CIZ1: variants seen among roughly 807,000 people sequenced by gnomAD.
CIZ1 encodes the protein cip1-interacting zinc finger protein.
Under a neutral mutation model 118.6 loss-of-function variants are expected in CIZ1, and 58 were observed. The observed-to-expected ratio is 0.49, with a 90% CI of 0.40 to 0.61. CIZ1 has a LOEUF of 0.61. CIZ1 is among the 20% of genes least tolerant of loss of function. The pLI is 0.00. For missense variants in CIZ1, 921 were observed against 1,115.9 expected, an observed-to-expected ratio of 0.83 and a Z score of 2.49; for synonymous variants, 448 against 443.4, an observed-to-expected ratio of 1.01 and a Z score of -0.13.
At chr9:128,199,668 G>A (rs569503601) in intron 1 of CIZ1, among the ~76,000 whole-genome samples, 9 of 152,048 alleles carry the variant, frequency 5.9e-5, no homozygotes, top group African/African-American at 2.2e-4. Flanking sequence ...TTGTGCTACT[G>A]CACTCCAGTC....
upstream of CIZ1, among the ~76,000 whole-genome samples, chr9:128,195,043 A>C (rs10760547): frequency 0.52 from 78,758 of 151,794 alleles, 22,421 homozygotes; most frequent in South Asian, 0.7. Flanking sequence ...GCTGGTCTTG[A>C]ACTCATAGGT....
rs2130949019 is a variant in CIZ1, at chr9:128,177,549, A to AAAAACAG, written c.1818+16_1818+17insCTGTTTT. 7.5e-7 allele frequency: 1 copy of AAAAACAG among 1,339,374 alleles called. No homozygotes were observed. The highest frequency in any genetic ancestry group is 9.9e-7 in the Non-Finnish European group (1 of 1,009,216). 83.0% of individuals were successfully genotyped at this position (1,339,374 alleles called of 1,614,324 possible). A position where few individuals can be genotyped will look rare whatever the true frequency, so the allele number is the denominator to read the frequency against. ...GCAGGCCCCACCCCTCCCCACCCTTATCTCCTGTATCAGTACCTGCTGGCT... is the reference window on the plus strand; with the variant it reads ...GCAGGCCCCACCCCTCCCCACCCTTAAAAACAGTCTCCTGTATCAGTACCTGCTGGCT... On this transcript the variant is annotated intron_variant, in intron 10 of 16. Transcript: ENST00000372938.
intron 5 of CIZ1, among the ~76,000 whole-genome samples, chr9:128,182,152 A>C (rs1588201435): frequency 6.6e-6 from 1 of 151,668 alleles, no homozygotes; most frequent in Non-Finnish European, 1.5e-5. Context: ...CACATTCTTT[A>C]CCCTGCCCCT....
intron 5 of CIZ1, among the ~76,000 whole-genome samples, chr9:128,182,223 G>A (rs1028970908): frequency 7.2e-5 from 11 of 152,182 alleles, no homozygotes; most frequent in African/African-American, 2.2e-4. Context: ...ACCAGTCTCT[G>A]CGCATTGGTG....
chr9:128,192,453 C>T (rs1185379869), upstream of CIZ1, among the ~76,000 whole-genome samples: 2 of 152,046 alleles, frequency 1.3e-5, no homozygotes, highest in Non-Finnish European at 2.9e-5. Context: ...TGGTCCTGCC[C>T]CCAAGAACCC....
At chr9:128,182,009 A>G (rs1831715125) in intron 5 of CIZ1, among the ~76,000 whole-genome samples, 1 of 152,216 alleles carries the variant, frequency 6.6e-6, no homozygotes, top group Non-Finnish European at 1.5e-5. Context: ...AGTCCCTGAT[A>G]TGCAGAAATA....
At position 128,167,087 on chromosome 9, in the gene CIZ1, G is replaced by A. The variant is rs183958510; in HGVS notation, c.2365+8C>T. 3.8e-6 allele frequency: 6 copies of A among 1,594,468 alleles called. No individual in the cohort carries two copies. The Admixed American group carries it at 8.8e-5, about 23-fold the overall frequency. On this transcript the variant is annotated splice_region_variant and intron_variant, in intron 15 of 16. Coordinates refer to ENST00000372938, the MANE Select transcript of CIZ1 (RefSeq NM_001131016.2). Reference sequence around the variant, plus strand: ...CTCCTGCAGGTGGGCTCAGAGCTGGGGCCTTACCATATGCAGTATTGGGGC... The same window carrying A: ...CTCCTGCAGGTGGGCTCAGAGCTGGAGCCTTACCATATGCAGTATTGGGGC...
upstream of CIZ1, among the ~76,000 whole-genome samples, chr9:128,193,997 GT>G (rs1833312796): frequency 6.6e-6 from 1 of 152,212 alleles, no homozygotes; most frequent in African/African-American, 2.4e-5. Flanking sequence ...GCTTGTGCTG[GT>G]GAAGGTGGAA....
chr9:128,177,815 C>T lies in CIZ1; in HGVS notation c.1621-52G>A, dbSNP rs779031576. The T allele has an allele frequency of 1.8e-5, 23 of 1,290,010 alleles. No homozygotes were observed. In the African/African-American group the frequency reaches 3.0e-4, roughly 17 times the overall value. 79.9% of individuals were successfully genotyped at this position (1,290,010 alleles called of 1,614,324 possible). A position where few individuals can be genotyped will look rare whatever the true frequency, so the allele number is the denominator to read the frequency against. On this transcript the variant is annotated intron_variant, in intron 9 of 16. Coordinates refer to ENST00000372938, the MANE Select transcript of CIZ1 (RefSeq NM_001131016.2). ...CCATCAACTGTGTACTTATAGTGGGCCAGCCCAGCATTCAACATCTGCCAA... is the reference window on the plus strand; with the variant it reads ...CCATCAACTGTGTACTTATAGTGGGTCAGCCCAGCATTCAACATCTGCCAA...
At chr9:128,188,764 C>T (rs1289649656) in intron 3 of CIZ1, among the ~76,000 whole-genome samples, 2 of 152,130 alleles carry the variant, frequency 1.3e-5, no homozygotes, top group Non-Finnish European at 2.9e-5. Context: ...TCCTGAGTAG[C>T]TGGGATTACA....
chr9:128,191,677 T>G, upstream of CIZ1: 1 of 1,284,552 alleles, frequency 7.8e-7, no homozygotes, highest in Non-Finnish European at 9.9e-7. The surrounding 1 kb of genome is among the most constrained non-coding windows in gnomAD (Gnocchi z 5.5). Context: ...CAAGTCACGC[T>G]GGGGGGCGGC....
chr9:128,191,663 T>G (rs1020375164), upstream of CIZ1: 5 of 1,275,950 alleles, frequency 3.9e-6, no homozygotes, highest in East Asian at 1.6e-4. This position sits in a 1 kb window ranked among gnomAD's most constrained non-coding sequence, Gnocchi z 5.5. Context: ...GCCCGCCCAG[T>G]GCACAAGTCA....
chr9:128,167,831 C>A (rs1268603164), intron 14 of CIZ1: 3 of 153,932 alleles, frequency 1.9e-5, no homozygotes, highest in African/African-American at 4.8e-5. Flanking sequence ...GGACAACCAC[C>A]CCCGTTTGCT....
Position 128,177,645 on chromosome 9 carries a change from G to A in CIZ1, c.1739C>T (p.Pro580Leu), listed in dbSNP as rs1288191936. 2 of 1,588,800 alleles carry A rather than the reference G, an allele frequency of 1.3e-6. No homozygotes were observed. The highest frequency in any genetic ancestry group is 2.7e-5 in the African/African-American group (2 of 74,450). ...CTTAGAGGGAGTGCTGGTAGCCGCA[G>A]GGGTGGAGGAGACGGAGTCACTGGG... ...PRPSDSVSSTPAATSTPSKQA... is the reference protein window; with the variant it reads ...PRPSDSVSSTLAATSTPSKQA... The change falls in exon 10 of 17, where the codon CCT (proline) becomes CTT (leucine). Residue 580 changes from proline (P) to leucine (L), a missense_variant. By Grantham distance (98) the Pro-to-Leu change is moderately conservative. Transcript: ENST00000372938.
chr9:128,169,074 A>G lies in CIZ1; in HGVS notation c.2273T>C (p.Val758Ala). The G allele has an allele frequency of 1.2e-6, 2 of 1,613,940 alleles. No homozygotes were observed. Among genetic ancestry groups the G allele is most frequent in the Middle Eastern group, 1.6e-4 (1 of 6,062 alleles). Residue 758 changes from valine (V) to alanine (A), a missense_variant, in exon 14 of 17, where the codon GTT (valine) becomes GCT (alanine). Physicochemically the swap from Val to Ala is moderately conservative, Grantham distance 64 (BLOSUM62 0). Transcript: ENST00000372938. Reference protein sequence around the residue: ...EDDEDEEEIEVEEELCKQVRS... With the variant: ...EDDEDEEEIEAEEELCKQVRS... ...CACCTGCTTGCAGAGTTCCTCCTCA[A>G]CCTCGATCTCTTCTTCATCCTCATC...
intron 1 of CIZ1, among the ~76,000 whole-genome samples, chr9:128,201,335 AG>A (rs1833509209): frequency 6.6e-6 from 1 of 152,120 alleles, no homozygotes; most frequent in South Asian, 2.1e-4. Flanking sequence ...CTGTAGTCCC[AG>A]CTACTCGGGA....
Position 128,180,484 on chromosome 9 carries a change from T to C in CIZ1, c.722A>G (p.Glu241Gly). Reference sequence around the variant, plus strand: ...AGGCTCAGGTGCTGGAGTGCGTTTTTCCTTGGCGATGTCCTCTGGGCAGGG... The same window carrying C: ...AGGCTCAGGTGCTGGAGTGCGTTTTCCCTTGGCGATGTCCTCTGGGCAGGG... ...LPPCPEDIAK[E>G]KRTPAPEPEP... The change falls in exon 7 of 17, where the codon GAA (glutamate) becomes GGA (glycine). Residue 241 changes from glutamate (E) to glycine (G), a missense_variant. Glu to Gly is a moderately conservative substitution (Grantham distance 98, BLOSUM62 -2). Transcript: ENST00000372938. 6.2e-7 allele frequency: 1 copy of C among 1,614,146 alleles called. No homozygotes were observed. Among genetic ancestry groups the C allele is most frequent in the Non-Finnish European group, 8.5e-7 (1 of 1,180,024 alleles).
chr9:128,167,906 C>G (rs1564239862), intron 14 of CIZ1, among the ~76,000 whole-genome samples: 1 of 152,210 alleles, frequency 6.6e-6, no homozygotes, highest in Non-Finnish European at 1.5e-5. Context: ...CAGGTTGTTA[C>G]TTCTGAGCAG....
In CIZ1 at chr9:128,167,129, C is replaced by G; in HGVS notation, c.2331G>C (p.Lys777Asn). Residue 777 changes from lysine (K) to asparagine (N), a missense_variant, in exon 15 of 17, where the codon AAG (lysine) becomes AAC (asparagine). Coordinates refer to ENST00000372938, the MANE Select transcript of CIZ1 (RefSeq NM_001131016.2). ...RSRDISREEW[K>N]GSETYSPNTA... ...TATTGGGGCTGTAGGTCTCCGAGCCCTTCCACTCCTCTCTGGATATATCTC... is the reference window on the plus strand; with the variant it reads ...TATTGGGGCTGTAGGTCTCCGAGCCGTTCCACTCCTCTCTGGATATATCTC... 1 of 1,603,022 alleles carries G rather than the reference C, an allele frequency of 6.2e-7. No individual in the cohort carries two copies.
Sources: gnomAD v4.1 joint callset for allele counts (sites outside exome capture counted in the v4.1 genomes callset) on GRCh38, gnomAD v4.1.1 for gene constraint, Gnocchi (gnomAD v3.1) non-coding constraint, MANE v1.5 for transcripts, NCBI Gene and HGNC (gene_info 2026-07-23, HGNC 2026-07-21) for gene names.